The following SLC9A9 variants were observed in gnomAD, a reference collection of about 807,000 sequenced individuals.
SLC9A9 encodes sodium/hydrogen exchanger 9.
SLC9A9 carries 62 observed loss-of-function variants against 77.8 expected under a neutral mutation model. That is an observed-to-expected ratio of 0.80 (90% CI 0.65 to 0.98). The LOEUF is 0.98. SLC9A9 is among the 50% of genes least tolerant of loss of function. SLC9A9 has a pLI of 0.00. For missense variants in SLC9A9, 775 were observed against 774.9 expected, an observed-to-expected ratio of 1.00 and a Z score of 0.00; for synonymous variants, 320 against 283.5, an observed-to-expected ratio of 1.13 and a Z score of -1.29.
rs547210106 is a variant in SLC9A9 at position 143,499,161 on chromosome 3, A to G, written c.1090-3713T>C. ...GACACTTTTGCCTCTTGATATTGCC[A>G]CTTGAACTTAGGAATCAACTTTTCA... On this transcript the variant is annotated intron_variant, in intron 9 of 15. Coordinates refer to ENST00000316549, the MANE Select transcript of SLC9A9 (RefSeq NM_173653.4). Among the ~76,000 whole-genome samples the G allele has an allele frequency of 4.6e-5, 7 of 152,320 alleles. No individual in the cohort carries two copies. The South Asian group carries it at 1.2e-3, about 27-fold the overall frequency.
intron 4 of SLC9A9, among the ~76,000 whole-genome samples, chr3:143,768,613 C>T (rs903674929): frequency 1.3e-5 from 2 of 152,112 alleles, no homozygotes; most frequent in African/African-American, 4.8e-5. Flanking sequence ...CAATAAGACA[C>T]ATAGATTATG....
chr3:143,601,691 C>A (rs1276764167), intron 6 of SLC9A9, among the ~76,000 whole-genome samples: 2 of 152,216 alleles, frequency 1.3e-5, no homozygotes, highest in African/African-American at 4.8e-5. Context: ...TCAAATAAAT[C>A]ATTGCTTTCA....
intron 11 of SLC9A9, among the ~76,000 whole-genome samples, chr3:143,473,373 C>A (rs937091197): frequency 3.3e-5 from 5 of 152,192 alleles, no homozygotes; most frequent in East Asian, 1.9e-4. Flanking sequence ...CAGAACCCCA[C>A]CCTACTTTTC....
chr3:143,309,701 A>C (rs1434315606), intron 14 of SLC9A9, among the ~76,000 whole-genome samples: 1 of 151,956 alleles, frequency 6.6e-6, no homozygotes, highest in Non-Finnish European at 1.5e-5. Context: ...TCTTGTGGGG[A>C]TATCTAGTCA....
chr3:143,314,938 T>A (rs1028321657), intron 14 of SLC9A9, among the ~76,000 whole-genome samples: 1 of 152,244 alleles, frequency 6.6e-6, no homozygotes, highest in African/African-American at 2.4e-5. Context: ...ACTGATGGGC[T>A]GCTGGACAGT....
intron 4 of SLC9A9, among the ~76,000 whole-genome samples, chr3:143,714,282 C>T (rs1004904679): frequency 2.6e-5 from 4 of 152,278 alleles, no homozygotes; most frequent in African/African-American, 4.8e-5. Context: ...TAAGTCTGAA[C>T]AAAGGCTCTT....
chr3:143,657,335 T>C (rs1008891343), intron 5 of SLC9A9, among the ~76,000 whole-genome samples: 1 of 152,206 alleles, frequency 6.6e-6, no homozygotes, highest in Non-Finnish European at 1.5e-5. Context: ...TAACCATCAA[T>C]ATGCTATATC....
In SLC9A9 at chr3:143,796,947, G is replaced by T. The variant is rs1479575815; in HGVS notation, c.379-44C>A. 2.4e-5 allele frequency: 35 copies of T among 1,463,752 alleles called. No homozygotes were observed. In the Admixed American group the frequency reaches 6.0e-4, roughly 25 times the overall value. 90.7% of individuals were successfully genotyped at this position (1,463,752 alleles called of 1,614,324 possible). A position where few individuals can be genotyped will look rare whatever the true frequency, so the allele number is the denominator to read the frequency against. The stretch of plus-strand genomic sequence containing the variant: ...AGGATAGTTAGAATGATGCTCCTTT[G>T]GGTCATTAAAAAAACATGTTTCAAA... On this transcript the variant is annotated intron_variant, in intron 2 of 15. Coordinates refer to ENST00000316549, the MANE Select transcript of SLC9A9 (RefSeq NM_173653.4).
At chr3:143,580,684 C>T (rs2037437182) in intron 6 of SLC9A9, among the ~76,000 whole-genome samples, 1 of 152,130 alleles carries the variant, frequency 6.6e-6, no homozygotes, top group African/African-American at 2.4e-5. Context: ...TGGGTGTGCC[C>T]ACTGATCTGT....
At chr3:143,666,402 G>C (rs930156440) in intron 5 of SLC9A9, among the ~76,000 whole-genome samples, 1 of 152,150 alleles carries the variant, frequency 6.6e-6, no homozygotes, top group African/African-American at 2.4e-5. Context: ...AAAACTGGAA[G>C]CATTCCCTCT....
chr3:143,690,748 A>G (rs1207337605), intron 5 of SLC9A9, among the ~76,000 whole-genome samples: 1 of 152,194 alleles, frequency 6.6e-6, no homozygotes, highest in Non-Finnish European at 1.5e-5. Context: ...AGGATGCTAC[A>G]CAACACATTA....
chr3:143,760,558 G>A (rs989737303), intron 4 of SLC9A9, among the ~76,000 whole-genome samples: 1 of 151,834 alleles, frequency 6.6e-6, no homozygotes, highest in African/African-American at 2.4e-5. Context: ...GTAACAGACA[G>A]AGAGCCAAAT....
chr3:143,584,666 C>A (rs1364796289), intron 6 of SLC9A9, among the ~76,000 whole-genome samples: 1 of 152,186 alleles, frequency 6.6e-6, no homozygotes, highest in South Asian at 2.1e-4. Context: ...TTGGAACATA[C>A]ATAAATATGA....
chr3:143,493,837 T>C, intron 10 of SLC9A9, 73 bp from the exon 11 acceptor site: 2 of 1,099,810 alleles, frequency 1.8e-6, no homozygotes, highest in Non-Finnish European at 2.8e-6. Flanking sequence ...AGCTTAAATA[T>C]TATGTCCTCA....
At chr3:143,501,088 A>G (rs138419279) in intron 9 of SLC9A9, among the ~76,000 whole-genome samples, 2,517 of 150,754 alleles carry the variant, frequency 0.017, 48 homozygotes, top group Non-Finnish European at 0.02. Flanking sequence ...ATAAGTCATC[A>G]GTAATTTTGT....
Position 143,716,141 on chromosome 3 carries a change from C to G in SLC9A9, c.534-22834G>C, listed in dbSNP as rs1934342070. On this transcript the variant is annotated intron_variant, in intron 4 of 15. Transcript: ENST00000316549. ...CCAGGTTGGATTGCAGTGGCACCAC[C>G]ATGGCTTACTGTAGCCTTGACCTCC... 3.3e-5 allele frequency among the ~76,000 whole-genome samples: 5 copies of G among 152,288 alleles called. No individual in the cohort carries two copies. The South Asian group carries it at 1.0e-3, about 32-fold the overall frequency.
intron 12 of SLC9A9, among the ~76,000 whole-genome samples, chr3:143,389,679 C>T (rs762741579): frequency 5.7e-4 from 86 of 152,188 alleles, no homozygotes; most frequent in Non-Finnish European, 1.0e-3. Context: ...GCAACCCCCT[C>T]AGAGTTTTGT....
At chr3:143,402,260 T>C (rs2033878694) in intron 12 of SLC9A9, among the ~76,000 whole-genome samples, 1 of 152,304 alleles carries the variant, frequency 6.6e-6, no homozygotes, top group South Asian at 2.1e-4. Context: ...ATTATAAAAA[T>C]TTAAAAATCC....
chr3:143,301,519 C>G (rs1001282056), intron 14 of SLC9A9, among the ~76,000 whole-genome samples: 1 of 152,148 alleles, frequency 6.6e-6, no homozygotes, highest in African/African-American at 2.4e-5. Context: ...AGACAAAAAG[C>G]CTTCAGTAGG....
Sources: allele counts gnomAD v4.1 joint callset (sites outside exome capture counted in the v4.1 genomes callset), GRCh38; gene constraint gnomAD v4.1.1; transcripts MANE v1.5; gene names NCBI Gene and HGNC (gene_info 2026-07-23, HGNC 2026-07-21).